The following ZEB2 variants were observed in gnomAD, a reference collection of about 807,000 sequenced individuals.
The protein encoded by ZEB2 is zinc finger E-box-binding homeobox 2.
A neutral mutation model predicts 99.9 loss-of-function variants in ZEB2; 6 were observed. That is an observed-to-expected ratio of 0.06 (90% CI 0.03 to 0.12). ZEB2 has a LOEUF of 0.12. Among genes scored for constraint, ZEB2 ranks in the 10% least tolerant of loss-of-function variants. ZEB2 has a pLI of 1.00. For synonymous variants in ZEB2, 517 were observed against 542.5 expected (o/e 0.95, Z 0.65); for missense variants, 969 against 1,502.8 (o/e 0.64, Z 5.87).
chr2:144,389,733 G>A lies in ZEB2; in HGVS notation c.3363C>T (p.Tyr1121=), dbSNP rs749500600. 5.0e-6 allele frequency: 8 copies of A among 1,612,398 alleles called. No individual in the cohort carries two copies. The highest frequency in any genetic ancestry group is 1.1e-5 in the South Asian group (1 of 90,930). ...TACTCTCCCTCTCCTCCGAGTCAGA[G>A]TACCCCTGAGGGGTAATGCTCTGCA... ...AYLQSITPQG[Y]SDSEERESMP... The change falls in exon 10 of 10, where the codon TAC becomes TAT. Residue 1121 remains tyrosine (Y), a synonymous_variant. Transcript: ENST00000627532. The surrounding 1 kb of genome is among the most constrained non-coding windows in gnomAD (Gnocchi z 6.8).
chr2:144,391,159 T>C (rs970256206), intron 9 of ZEB2, among the ~76,000 whole-genome samples: 28 of 152,380 alleles, frequency 1.8e-4, no homozygotes, highest in African/African-American at 6.7e-4. Flanking sequence ...GGTATTCAGT[T>C]ATATGGTGAT....
intron 2 of ZEB2, among the ~76,000 whole-genome samples, chr2:144,506,705 GAA>G (rs1481816991): frequency 6.6e-6 from 1 of 152,060 alleles, no homozygotes; most frequent in Non-Finnish European, 1.5e-5. Flanking sequence ...CCATTTGAGA[GAA>G]AGAAAAAAAC....
At chr2:144,468,032 A>T (rs1402278318) in intron 2 of ZEB2, among the ~76,000 whole-genome samples, 1 of 152,110 alleles carries the variant, frequency 6.6e-6, no homozygotes, top group Non-Finnish European at 1.5e-5. Flanking sequence ...AAGTGATTGT[A>T]TCGGTAATAG....
At position 144,385,128 on chromosome 2, in the gene ZEB2, G is replaced by A. The variant is rs1703064173; in HGVS notation, c.*4323C>T. On this transcript the variant is annotated 3_prime_UTR_variant, in exon 10 of 10. Transcript: ENST00000627532. The stretch of plus-strand genomic sequence containing the variant: ...GTATAAAATTTTTCAGAATTTATAG[G>A]AGTGCTTATATAAGCGATAATAATT... 2 of 152,104 alleles carry A rather than the reference G, an allele frequency of 1.3e-5. No homozygotes were observed. The highest frequency in any genetic ancestry group is 4.8e-5 in the African/African-American group (2 of 41,446). 9.4% of individuals were successfully genotyped at this position (152,104 alleles called of 1,614,324 possible).
At chr2:144,461,259 T>C (rs1704190277) in intron 2 of ZEB2, 2 of 152,048 alleles carry the variant, frequency 1.3e-5, no homozygotes, top group African/African-American at 4.8e-5. Context: ...TATAAAAGCA[T>C]TAAGCGCATG....
intron 4 of ZEB2, among the ~76,000 whole-genome samples, chr2:144,416,310 C>T (rs185020967): frequency 1.3e-5 from 2 of 152,144 alleles, no homozygotes; most frequent in African/African-American, 2.4e-5. Context: ...TGCTGAACTA[C>T]GATCCAGTCC....
chr2:144,488,775 C>T (rs145881209), intron 2 of ZEB2, among the ~76,000 whole-genome samples: 1,855 of 151,752 alleles, frequency 0.012, 15 homozygotes, highest in Non-Finnish European at 0.02. Flanking sequence ...ATCTTACCTA[C>T]GGTAAATGAA....
intron 4 of ZEB2, among the ~76,000 whole-genome samples, chr2:144,409,100 G>A (rs754991433): frequency 2.6e-5 from 4 of 152,102 alleles, no homozygotes; most frequent in Non-Finnish European, 5.9e-5. Flanking sequence ...AGCTCTTCTC[G>A]TTCCTGAGGC....
rs567126700 is a variant in ZEB2 at position 144,425,304 on chromosome 2, G to T, written c.332-437C>A. 1.8e-4 allele frequency among the ~76,000 whole-genome samples: 27 copies of T among 152,272 alleles called. No homozygotes were observed. The East Asian group carries it at 5.2e-3, about 29-fold the overall frequency. On this transcript the variant is annotated intron_variant, in intron 3 of 9. Transcript: ENST00000627532. ...GTTTTCATGCTTTTCTTTCCCCTTGGGGTGGCTATAATGGTGCTAATCTAT... is the reference window on the plus strand; with the variant it reads ...GTTTTCATGCTTTTCTTTCCCCTTGTGGTGGCTATAATGGTGCTAATCTAT...
intron 2 of ZEB2, among the ~76,000 whole-genome samples, chr2:144,502,222 C>T (rs1034040696): frequency 1.3e-5 from 2 of 152,132 alleles, no homozygotes; most frequent in African/African-American, 2.4e-5. Flanking sequence ...TCACCTAACT[C>T]GTAACAGCTC....
At chr2:144,478,807 T>C (rs1396885942) in intron 2 of ZEB2, among the ~76,000 whole-genome samples, 2 of 152,260 alleles carry the variant, frequency 1.3e-5, no homozygotes, top group Non-Finnish European at 2.9e-5. Flanking sequence ...TGATATTATA[T>C]TTATACTCCT....
chr2:144,446,663 T>C (rs904621157), intron 2 of ZEB2, among the ~76,000 whole-genome samples: 1 of 152,124 alleles, frequency 6.6e-6, no homozygotes, highest in African/African-American at 2.4e-5. Context: ...TCTCATTTTT[T>C]TTTCTTCTTT....
chr2:144,462,541 A>G (rs1211414628), intron 2 of ZEB2: 1 of 152,204 alleles, frequency 6.6e-6, no homozygotes, highest in African/African-American at 2.4e-5. Context: ...AAAATAGAAT[A>G]AAGTTGTGCA....
chr2:144,486,870 A>G (rs1182602424), intron 2 of ZEB2, among the ~76,000 whole-genome samples: 1 of 152,230 alleles, frequency 6.6e-6, no homozygotes, highest in African/African-American at 2.4e-5. Context: ...TACAAAAATA[A>G]AGTCAATTCT....
chr2:144,498,956 T>C (rs373350368), intron 2 of ZEB2, among the ~76,000 whole-genome samples: 25 of 152,306 alleles, frequency 1.6e-4, no homozygotes, highest in African/African-American at 5.8e-4. Flanking sequence ...GATACAGTAT[T>C]TCTTATTTTT....
rs1269898758 is a variant in ZEB2 at position 144,401,122 on chromosome 2, T to C, written c.916+77A>G. ...CCAAAAAGCTACAAATAGGACTGTGTAAATTTTAAACAATCTTTTAAAACT... is the reference window on the plus strand; with the variant it reads ...CCAAAAAGCTACAAATAGGACTGTGCAAATTTTAAACAATCTTTTAAAACT... On this transcript the variant is annotated intron_variant, in intron 7 of 9. Transcript: ENST00000627532. The C allele has an allele frequency of 6.7e-6, 9 of 1,351,624 alleles. No homozygotes were observed. In the African/African-American group the frequency reaches 1.3e-4, roughly 19 times the overall value. The allele number at this position is 1,351,624 out of a possible 1,614,324, so 83.7% of individuals were successfully genotyped here. A position where few individuals can be genotyped will look rare whatever the true frequency, so the allele number is the denominator to read the frequency against.
intron 9 of ZEB2, among the ~76,000 whole-genome samples, chr2:144,391,140 T>A (rs1438985803): frequency 6.6e-6 from 1 of 152,250 alleles, no homozygotes; most frequent in Non-Finnish European, 1.5e-5. Flanking sequence ...ACCCATTCTA[T>A]ACACTTTAGG....
chr2:144,402,703 T>C (rs1703329312), intron 6 of ZEB2, among the ~76,000 whole-genome samples: 1 of 152,220 alleles, frequency 6.6e-6, no homozygotes, highest in Non-Finnish European at 1.5e-5. Context: ...TAGATAAATA[T>C]CTAGGCACTT....
At position 144,389,816 on chromosome 2, in the gene ZEB2, C is replaced by T. The variant is rs1703133016; in HGVS notation, c.3280G>A (p.Glu1094Lys). 4.3e-6 allele frequency: 7 copies of T among 1,612,976 alleles called. No individual in the cohort carries two copies. Among genetic ancestry groups the T allele is most frequent in the South Asian group, 1.1e-5 (1 of 91,070 alleles). The change falls in exon 10 of 10, where the codon GAG becomes AAG. Residue 1094 changes from glutamate (E) to lysine (K), a missense_variant. Transcript: ENST00000627532. The surrounding 1 kb of genome is among the most constrained non-coding windows in gnomAD (Gnocchi z 6.8). The part of the protein sequence containing the change: ...EAEEREAAER[E>K]AREKGHLEPT... ...TCCAAGTGCCCTTTCTCGCGCGCCTCGCGCTCCGCCGCTTCCCGCTCCTCC... is the reference window on the plus strand; with the variant it reads ...TCCAAGTGCCCTTTCTCGCGCGCCTTGCGCTCCGCCGCTTCCCGCTCCTCC...
Sources: gnomAD v4.1 joint callset for allele counts (sites outside exome capture counted in the v4.1 genomes callset) on GRCh38, gnomAD v4.1.1 for gene constraint, Gnocchi (gnomAD v3.1) non-coding constraint, MANE v1.5 for transcripts, NCBI Gene and HGNC (gene_info 2026-07-23, HGNC 2026-07-21) for gene names.